Variants in SLC17A3 observed in about 807,000 individuals in gnomAD.
SLC17A3 encodes the protein sodium-dependent phosphate transport protein 4.
Under a neutral mutation model 60.3 loss-of-function variants are expected in SLC17A3, and 61 were observed. The ratio of observed to expected loss-of-function variants is 1.01; its 90% CI spans 0.82 to 1.25. The LOEUF is 1.25. Among genes scored for constraint, SLC17A3 ranks in the 50% most tolerant of loss-of-function variants. The probability of loss-of-function intolerance (pLI) is 0.00; values close to 1 mark genes in which losing one functional copy is unlikely to be tolerated. For synonymous variants in SLC17A3, 192 were observed against 208.9 expected (o/e 0.92, Z 0.70); for missense variants, 624 against 594.9 (o/e 1.05, Z -0.51).
At chr6:25,873,744 CTT>C (rs1765682207) in intron 1 of SLC17A3, among the ~76,000 whole-genome samples, 1 of 152,078 alleles carries the variant, frequency 6.6e-6, no homozygotes, top group Non-Finnish European at 1.5e-5. Flanking sequence ...TATTGCCACT[CTT>C]ATAAATTACT....
intron 5 of SLC17A3, among the ~76,000 whole-genome samples, chr6:25,861,291 A>G (rs1765441756): frequency 6.6e-6 from 1 of 151,520 alleles, no homozygotes; most frequent in African/African-American, 2.4e-5. Context: ...ATAAAACCAT[A>G]TAAACTGAAG....
chr6:25,871,420 A>G (rs1765638380), intron 1 of SLC17A3, among the ~76,000 whole-genome samples: 2 of 144,052 alleles, frequency 1.4e-5, no homozygotes, highest in Admixed American at 6.9e-5. Context: ...GTTCTCACTC[A>G]TAGGTGGGAA....
At chr6:25,852,048 G>C (rs981482615) in intron 6 of SLC17A3, among the ~76,000 whole-genome samples, 1 of 151,470 alleles carries the variant, frequency 6.6e-6, no homozygotes, top group Non-Finnish European at 1.5e-5. Context: ...TCTCTATTTT[G>C]CATTTGTTTT....
At chr6:25,868,447 G>T in intron 1 of SLC17A3, 27 bp from the exon 2 acceptor site, 1 of 1,384,664 alleles carries the variant, frequency 7.2e-7, no homozygotes, top group Non-Finnish European at 1.0e-6. Context: ...TAATTCACAT[G>T]CATCAGTTGA....
At chr6:25,856,576 A>C (rs1765359525) in intron 5 of SLC17A3, among the ~76,000 whole-genome samples, 1 of 152,184 alleles carries the variant, frequency 6.6e-6, no homozygotes. Context: ...GGCCGGGCGC[A>C]GTGGCTCATG....
At position 25,855,199 on chromosome 6, in the gene SLC17A3, G is replaced by C; in HGVS notation, c.657C>G (p.Leu219=). 2 of 1,613,622 alleles carry C rather than the reference G, an allele frequency of 1.2e-6. No homozygotes were observed. The highest frequency in any genetic ancestry group is 1.7e-6 in the Non-Finnish European group (2 of 1,179,690). ...GMLLGCFTAI[L]IGGFISETLG... ...GGGTTTCACTAATGAAGCCACCTAT[G>C]AGGATGGCAGTAAAGCATCCCAGTA... The change falls in exon 6 of 13, where the codon CTC becomes CTG. Residue 219 remains leucine (L), a synonymous_variant. Coordinates refer to ENST00000397060, the MANE Select transcript of SLC17A3 (RefSeq NM_001098486.2).
intron 5 of SLC17A3, among the ~76,000 whole-genome samples, chr6:25,856,898 A>G (rs1320663243): frequency 6.6e-6 from 1 of 151,090 alleles, no homozygotes; most frequent in Non-Finnish European, 1.5e-5. Flanking sequence ...AAAGTGAAAA[A>G]GAGAGCTAGG....
At chr6:25,862,554 C>T in intron 2 of SLC17A3, 110 bp from the exon 3 acceptor site, 1 of 883,420 alleles carries the variant, frequency 1.1e-6, no homozygotes, top group Non-Finnish European at 1.8e-6. Context: ...TAAATCATTA[C>T]TTAAATGACA....
rs927250546 is a variant in SLC17A3 at position 25,845,313 on chromosome 6, T to A, written c.*3-15A>T. On this transcript the variant is annotated splice_polypyrimidine_tract_variant and intron_variant, in intron 12 of 12. Coordinates refer to ENST00000397060, the MANE Select transcript of SLC17A3 (RefSeq NM_001098486.2). The stretch of plus-strand genomic sequence containing the variant: ...AGGTGGGATAACTAAGAAAGGAAAA[T>A]GATATAGAATTTAAAACTTCAGCTG... The A allele has an allele frequency of 6.3e-7, 1 of 1,584,120 alleles. No individual in the cohort carries two copies. The highest frequency in any genetic ancestry group is 8.7e-7 in the Non-Finnish European group (1 of 1,154,290).
intron 3 of SLC17A3, 75 bp from the exon 4 acceptor site, chr6:25,862,104 C>A: frequency 7.1e-7 from 1 of 1,406,736 alleles, no homozygotes. Flanking sequence ...CTCCTTTAGA[C>A]CTTTTGCTTG....
intron 5 of SLC17A3, among the ~76,000 whole-genome samples, chr6:25,860,421 T>C (rs1397556135): frequency 1.3e-5 from 2 of 152,150 alleles, no homozygotes; most frequent in Non-Finnish European, 2.9e-5. Flanking sequence ...CAGTACAGTC[T>C]GCAGAGGAGC....
intron 1 of SLC17A3, among the ~76,000 whole-genome samples, chr6:25,871,994 T>C (rs903288503): frequency 1.3e-5 from 2 of 152,044 alleles, no homozygotes; most frequent in African/African-American, 4.8e-5. Context: ...GGCAATGATG[T>C]ACTGGAACCA....
intron 2 of SLC17A3, among the ~76,000 whole-genome samples, chr6:25,867,306 A>G (rs1765552727): frequency 6.6e-6 from 1 of 151,898 alleles, no homozygotes. Flanking sequence ...TCTATTCTCA[A>G]TACAGCAGTT....
rs774272631 is a variant in SLC17A3, at chr6:25,850,873, A to T, written c.717T>A (p.Gly239=). 1.2e-6 allele frequency: 2 copies of T among 1,613,362 alleles called. No homozygotes were observed. Among genetic ancestry groups the T allele is most frequent in the East Asian group, 4.5e-5 (2 of 44,868 alleles). ...GWPFVFYIFG[G]VGCVCCLLWF... ...AGAGAAGGCAGCAGACACAGCCAAC[A>T]CCTCCTGTAAGCACAGGGTAAATTT... Residue 239 remains glycine, a synonymous_variant, in exon 7 of 13, where the codon GGT becomes GGA. Transcript: ENST00000397060.
At chr6:25,845,355 C>T in intron 12 of SLC17A3, 25 bp downstream of exon 12, 1 of 1,613,454 alleles carries the variant, frequency 6.2e-7, no homozygotes, top group Non-Finnish European at 8.5e-7. Flanking sequence ...TGGCTATAAC[C>T]ATGCATAAAA....
At chr6:25,848,503 G>T (rs1765216629) in intron 11 of SLC17A3, among the ~76,000 whole-genome samples, 1 of 152,074 alleles carries the variant, frequency 6.6e-6, no homozygotes, top group African/African-American at 2.4e-5. Context: ...GTAGGGAAAG[G>T]ACACCTTATT....
At chr6:25,857,051 T>C (rs565551758) in intron 5 of SLC17A3, among the ~76,000 whole-genome samples, 31 of 151,808 alleles carry the variant, frequency 2.0e-4, no homozygotes, top group African/African-American at 7.2e-4. Flanking sequence ...TATCCAGACA[T>C]GGTGGTGCCT....
chr6:25,858,177 AAAAACAAAAC>A (rs879833113), intron 5 of SLC17A3, among the ~76,000 whole-genome samples: 1 of 143,110 alleles, frequency 7.0e-6, no homozygotes, highest in African/African-American at 2.6e-5. Context: ...GGCTCATGAT[AAAAACAAAAC>A]AAAACAAAAC....
At chr6:25,851,654 C>T (rs930606248) in intron 6 of SLC17A3, among the ~76,000 whole-genome samples, 3 of 152,026 alleles carry the variant, frequency 2.0e-5, no homozygotes, top group African/African-American at 7.2e-5. Flanking sequence ...AGAGACTATC[C>T]TTTATCTATT....
Sources: allele counts gnomAD v4.1 joint callset (sites outside exome capture counted in the v4.1 genomes callset), GRCh38; gene constraint gnomAD v4.1.1; transcripts MANE v1.5; gene names NCBI Gene and HGNC (gene_info 2026-07-23, HGNC 2026-07-21).